Variants in IQGAP2 observed in about 807,000 individuals in gnomAD.
The protein encoded by IQGAP2 is ras GTPase-activating-like protein IQGAP2.
Under a neutral mutation model 201.3 loss-of-function variants are expected in IQGAP2, and 173 were observed. The observed-to-expected ratio is 0.86, with a 90% confidence interval of 0.76 to 0.98. The LOEUF (loss-of-function observed/expected upper bound fraction) is 0.98. Among genes scored for constraint, IQGAP2 ranks in the 50% least tolerant of loss-of-function variants. The pLI is 0.00. For missense variants in IQGAP2, 1,687 were observed against 1,864.8 expected (o/e 0.90, Z 1.76); for synonymous variants, 675 against 673.9 (o/e 1.00, Z -0.03).
At chr5:76,423,875 A>G (rs1328008496) in intron 1 of IQGAP2, among the ~76,000 whole-genome samples, 1 of 152,224 alleles carries the variant, frequency 6.6e-6, no homozygotes, top group East Asian at 1.9e-4. Flanking sequence ...TGTATTCAGC[A>G]CATTCTGAAT....
chr5:76,705,358 G>T (rs1747781455), intron 35 of IQGAP2, among the ~76,000 whole-genome samples: 1 of 152,164 alleles, frequency 6.6e-6, no homozygotes, highest in South Asian at 2.1e-4. Context: ...TACACACAGG[G>T]AAACAGAACT....
intron 2 of IQGAP2, among the ~76,000 whole-genome samples, chr5:76,469,399 A>T (rs892398260): frequency 6.8e-6 from 1 of 146,784 alleles, no homozygotes; most frequent in African/African-American, 2.5e-5. Flanking sequence ...CAAAAAATGA[A>T]TTTTTTTTTT....
rs756838295 is a variant in IQGAP2 at position 76,654,221 on chromosome 5, G to C, written c.2200G>C (p.Ala734Pro). 6 of 1,609,218 alleles carry C rather than the reference G, an allele frequency of 3.7e-6. No individual in the cohort carries two copies. Among genetic ancestry groups the C allele is most frequent in the Non-Finnish European group, 5.1e-6 (6 of 1,177,656 alleles). ...IVKIQSWFRM[A>P]TARKSYLSRL... ...TCAGATTCAGTCCTGGTTCCGAATG[G>C]CAACTGCAAGAAAGAGCTATCTTTC... is the stretch of plus-strand genomic sequence containing the variant. Residue 734 changes from alanine (A) to proline (P), a missense_variant, in exon 19 of 36, where the codon GCA becomes CCA. Coordinates refer to ENST00000274364, the MANE Select transcript of IQGAP2 (RefSeq NM_006633.5).
intron 30 of IQGAP2, among the ~76,000 whole-genome samples, chr5:76,692,506 T>C (rs764392334): frequency 1.9e-4 from 29 of 152,196 alleles, no homozygotes; most frequent in Non-Finnish European, 3.7e-4. Flanking sequence ...TTCCACCTTA[T>C]GTAAAAGTGA....
At chr5:76,562,699 G>A in intron 3 of IQGAP2, 147 bp downstream of exon 3, 2 of 666,422 alleles carry the variant, frequency 3.0e-6, no homozygotes, top group Non-Finnish European at 2.5e-6. Flanking sequence ...CATTCCTGAG[G>A]CAGCAGCAGT....
rs1561416527 is a variant in IQGAP2 at position 76,496,760 on chromosome 5, T to TCTTTC, written c.146+35092_146+35096dup. Among the ~76,000 whole-genome samples, 32 of 89,410 alleles carry TCTTTC rather than the reference T, an allele frequency of 3.6e-4. 1 individual carries two copies. Among genetic ancestry groups the TCTTTC allele is most frequent in the East Asian group, 2.0e-3 (8 of 4,058 alleles). 58.7% of individuals were successfully genotyped at this position (89,410 alleles called of 152,430 possible). Reference sequence around the variant, plus strand: ...TTCTTTCTTTCTTTCTTTCTTTCTTTCTTTCTTTCTTTCTTTCTTTCTTTC... The same window carrying TCTTTC: ...TTCTTTCTTTCTTTCTTTCTTTCTTTCTTTCCTTTCTTTCTTTCTTTCTTTCTTTC... On this transcript the variant is annotated intron_variant, in intron 2 of 35. Coordinates refer to ENST00000274364, the MANE Select transcript of IQGAP2 (RefSeq NM_006633.5).
chr5:76,504,114 C>T (rs890159583), intron 2 of IQGAP2, among the ~76,000 whole-genome samples: 11 of 152,154 alleles, frequency 7.2e-5, no homozygotes, highest in South Asian at 4.2e-4. Context: ...TAGAGCATAG[C>T]GTGCTAACAA....
rs562260072 is a variant in IQGAP2, at chr5:76,619,719, C to T, written c.1522-7691C>T. 3.9e-5 allele frequency among the ~76,000 whole-genome samples: 6 copies of T among 152,102 alleles called. No homozygotes were observed. The East Asian group carries it at 9.7e-4, about 25-fold the overall frequency. ...TTTTTTAGTAGAGACAGGGTTTCAC[C>T]ATGTTAGCCAGGATGGTCTCGATCT... On this transcript the variant is annotated intron_variant, in intron 13 of 35. Coordinates refer to ENST00000274364, the MANE Select transcript of IQGAP2 (RefSeq NM_006633.5).
chr5:76,666,606 G>C (rs928257958), intron 22 of IQGAP2, among the ~76,000 whole-genome samples: 10 of 152,224 alleles, frequency 6.6e-5, no homozygotes, highest in Non-Finnish European at 1.3e-4. Flanking sequence ...CCATTCAGTT[G>C]TATCAAGTGA....
At chr5:76,626,161 C>T (rs576583299) in intron 13 of IQGAP2, among the ~76,000 whole-genome samples, 1 of 152,198 alleles carries the variant, frequency 6.6e-6, no homozygotes, top group South Asian at 2.1e-4. Context: ...CAACTTGACA[C>T]CTTTACCATA....
chr5:76,609,662 C>A (rs1333374127), intron 12 of IQGAP2, among the ~76,000 whole-genome samples: 3 of 152,002 alleles, frequency 2.0e-5, no homozygotes, highest in African/African-American at 7.3e-5. Context: ...GACGGGTGAT[C>A]ATTTTAGATT....
chr5:76,426,433 A>G (rs554576908), intron 1 of IQGAP2, among the ~76,000 whole-genome samples: 1 of 152,298 alleles, frequency 6.6e-6, no homozygotes, highest in African/African-American at 2.4e-5. Context: ...CAACCTTTGG[A>G]GCAGAAGGGA....
chr5:76,672,474 A>G (rs1001807864), intron 24 of IQGAP2, among the ~76,000 whole-genome samples: 1 of 152,234 alleles, frequency 6.6e-6, no homozygotes, highest in African/African-American at 2.4e-5. Flanking sequence ...TGGTTGTTAC[A>G]GTACTGTTTG....
At chr5:76,436,107 GA>G (rs1415522305) in intron 1 of IQGAP2, among the ~76,000 whole-genome samples, 1 of 152,082 alleles carries the variant, frequency 6.6e-6, no homozygotes, top group Non-Finnish European at 1.5e-5. Context: ...TTCAAATCTA[GA>G]AGTCTTTTGG....
At chr5:76,603,984 T>C (rs1747613599) in intron 11 of IQGAP2, among the ~76,000 whole-genome samples, 1 of 152,150 alleles carries the variant, frequency 6.6e-6, no homozygotes, top group South Asian at 2.1e-4. Context: ...AAAAAATTTT[T>C]TTTTATTATT....
rs569781899 is a variant in IQGAP2, at chr5:76,671,644, C to T, written c.2844-115C>T. On this transcript the variant is annotated intron_variant, in intron 23 of 35. Coordinates refer to ENST00000274364, the MANE Select transcript of IQGAP2 (RefSeq NM_006633.5). ...TGGAGGTTGCAGTGAACCAAGATCACACCACTGCACTCCAGCCTGGGTGAC... is the reference window on the plus strand; with the variant it reads ...TGGAGGTTGCAGTGAACCAAGATCATACCACTGCACTCCAGCCTGGGTGAC... 1.4e-4 allele frequency: 95 copies of T among 701,058 alleles called. 1 individual carries two copies. The South Asian group carries it at 1.7e-3, about 13-fold the overall frequency. 43.4% of individuals were successfully genotyped at this position (701,058 alleles called of 1,614,324 possible). A position where few individuals can be genotyped will look rare whatever the true frequency, so the allele number is the denominator to read the frequency against.
At chr5:76,495,892 C>T (rs937388787) in intron 2 of IQGAP2, among the ~76,000 whole-genome samples, 13 of 152,170 alleles carry the variant, frequency 8.5e-5, no homozygotes, top group African/African-American at 1.7e-4. Context: ...AATCACCTCC[C>T]ACCAGGCCCC....
At chr5:76,634,117 T>A (rs1435045433) in intron 15 of IQGAP2, among the ~76,000 whole-genome samples, 1 of 152,196 alleles carries the variant, frequency 6.6e-6, no homozygotes, top group South Asian at 2.1e-4. Context: ...TTTCTTGTGC[T>A]GCCATCCGCC....
intron 14 of IQGAP2, chr5:76,628,809 T>C: frequency 2.3e-6 from 1 of 435,886 alleles, no homozygotes. Context: ...AGTCTTTCCT[T>C]TCTAGCACGC....
Sources: gnomAD v4.1 joint callset for allele counts (sites outside exome capture counted in the v4.1 genomes callset) on GRCh38, gnomAD v4.1.1 for gene constraint, MANE v1.5 for transcripts, NCBI Gene and HGNC (gene_info 2026-07-23, HGNC 2026-07-21) for gene names.